The following NELFA variants were observed in gnomAD, a reference collection of about 807,000 sequenced individuals.
NELFA encodes negative elongation factor A.
Under a neutral mutation model 51.8 loss-of-function variants are expected in NELFA, and 35 were observed. The ratio of observed to expected loss-of-function variants is 0.68; its 90% CI spans 0.52 to 0.90. The LOEUF is 0.90. Ranked by LOEUF, NELFA falls within the 40% of genes least tolerant of loss-of-function variation. NELFA has a pLI of 0.00. For synonymous variants in NELFA, 417 were observed against 338.4 expected (o/e 1.23, Z -2.55); for missense variants, 658 against 746.4 (o/e 0.88, Z 1.38).
chr4:1,987,215 G>A (rs1211632923), intron 4 of NELFA, among the ~76,000 whole-genome samples: 1 of 152,198 alleles, frequency 6.6e-6, no homozygotes, highest in African/African-American at 2.4e-5. Context: ...GAGAGCGCCT[G>A]TAAGGCTGCC....
chr4:1,984,948 AGAAGAGGCCATGCTTCCG>A, intron 7 of NELFA, 29 bp from the exon 8 acceptor site: 1 of 1,495,362 alleles, frequency 6.7e-7, no homozygotes. Flanking sequence ...GGTTCCTTCC[AGAAGAGGCCATGCTTCCG>A]GCATGTGCTA....
rs1223154301 is a variant in NELFA at position 1,986,115 on chromosome 4, G to T, written c.834C>A (p.Leu278=). 2 of 1,551,536 alleles carry T rather than the reference G, an allele frequency of 1.3e-6. No homozygotes were observed. Among genetic ancestry groups the T allele is most frequent in the Non-Finnish European group, 1.7e-6 (2 of 1,147,254 alleles). ...GREAKRRRKT[L]DAEVVEKPAK... is the part of the protein sequence containing the mutation. ...CGACACGCAGGCCCCAACCCCCACC[G>T]AGAGTCTTCCTTCTCCGCTTCGCCT... Residue 278 remains leucine, a splice_region_variant and synonymous_variant, in exon 6 of 11, where the codon CTC becomes CTA. Transcript: ENST00000382882.
intron 8 of NELFA, among the ~76,000 whole-genome samples, chr4:1,984,571 C>CA (rs1177254832): frequency 1.3e-5 from 2 of 152,366 alleles, no homozygotes; most frequent in African/African-American, 4.8e-5. Context: ...CCTGCCGTGT[C>CA]CCCTGGGGCC....
intron 7 of NELFA, 94 bp downstream of exon 7, chr4:1,985,682 A>T: frequency 1.1e-6 from 1 of 879,888 alleles, no homozygotes; most frequent in Non-Finnish European, 1.8e-6. Context: ...ACATACATAT[A>T]TATATTCTCC....
chr4:2,005,424 A>G (rs1677717228), intron 1 of NELFA, among the ~76,000 whole-genome samples: 3 of 152,194 alleles, frequency 2.0e-5, no homozygotes, highest in Non-Finnish European at 4.4e-5. Context: ...TAGCACAGAT[A>G]CTAGTCACAA....
chr4:1,985,750 A>T (rs1422488283), intron 7 of NELFA, 26 bp downstream of exon 7: 1 of 1,604,934 alleles, frequency 6.2e-7, no homozygotes, highest in Non-Finnish European at 8.5e-7. Flanking sequence ...GTGGTGCCAG[A>T]CATGGGGTGC....
chr4:1,984,297 G>A (rs866804609), intron 8 of NELFA, among the ~76,000 whole-genome samples, 184 bp from the exon 9 acceptor site: 1 of 152,208 alleles, frequency 6.6e-6, no homozygotes, highest in African/African-American at 2.4e-5. Context: ...AAGGCCAGTG[G>A]TCTCAGGCCT....
intron 4 of NELFA, among the ~76,000 whole-genome samples, chr4:1,987,023 C>T (rs1453508398): frequency 6.6e-6 from 1 of 152,048 alleles, no homozygotes; most frequent in Admixed American, 6.5e-5. Context: ...CTGCTCCAGG[C>T]GGGGTAGAGG....
intron 1 of NELFA, among the ~76,000 whole-genome samples, chr4:2,002,464 CT>C (rs1430113449): frequency 8.5e-5 from 13 of 152,144 alleles, no homozygotes; most frequent in Admixed American, 5.2e-4. Context: ...AGGCATCACG[CT>C]ACCTGACTTC....
intron 1 of NELFA, among the ~76,000 whole-genome samples, chr4:2,005,043 C>T (rs979724412): frequency 7.0e-6 from 1 of 142,022 alleles, no homozygotes; most frequent in Admixed American, 7.1e-5. Flanking sequence ...CTCCTGGCCT[C>T]GTGATCCGCC....
Position 1,993,786 on chromosome 4 carries a change from C to A in NELFA, c.211-2071G>T, listed in dbSNP as rs865924292. Among the ~76,000 whole-genome samples the A allele has an allele frequency of 3.4e-5, 5 of 147,630 alleles. No individual in the cohort carries two copies. In the South Asian group the frequency reaches 1.1e-3, roughly 32 times the overall value. On this transcript the variant is annotated intron_variant, in intron 1 of 10. Coordinates refer to ENST00000382882, the MANE Select transcript of NELFA (RefSeq NM_005663.5). ...TGCTGGTGGAAGGTGGGAACGAGCTCCCCTGGGCCTTTTTTTTTTTTTTTT... is the reference window on the plus strand; with the variant it reads ...TGCTGGTGGAAGGTGGGAACGAGCTACCCTGGGCCTTTTTTTTTTTTTTTT...
rs1172989838 is a variant in NELFA, at chr4:2,007,193, C to A, written c.210+1557G>T. Reference sequence around the variant, plus strand: ...CTGCACTCCAGCCTGGTTGACAGCGCCAGACCCTGTCTCAAACAAAACACA... The same window carrying A: ...CTGCACTCCAGCCTGGTTGACAGCGACAGACCCTGTCTCAAACAAAACACA... On this transcript the variant is annotated intron_variant, in intron 1 of 10. Coordinates refer to ENST00000382882, the MANE Select transcript of NELFA (RefSeq NM_005663.5). 4 of 384,222 alleles carry A rather than the reference C, an allele frequency of 1.0e-5. No individual in the cohort carries two copies. In the East Asian group the frequency reaches 2.6e-4, roughly 25 times the overall value. 23.8% of individuals were successfully genotyped at this position (384,222 alleles called of 1,614,324 possible). A position where few individuals can be genotyped will look rare whatever the true frequency, so the allele number is the denominator to read the frequency against.
chr4:1,983,823 G>C (rs775267760), intron 9 of NELFA, 25 bp downstream of exon 9: 3 of 1,570,522 alleles, frequency 1.9e-6, no homozygotes, highest in African/African-American at 1.4e-5. Flanking sequence ...CTGGTGGCCT[G>C]TGGGCCCTAC....
rs1727995178 is a variant in NELFA at position 1,983,974 on chromosome 4, G to A, written c.1176C>T (p.Thr392=). ...SPATPTPAAP[T]SPLTPTTPPA... is the part of the protein sequence containing the mutation. ...GAGGTGTGGTGGGTGTCAGAGGCGA[G>A]GTGGGCGCCGCAGGCGTGGGTGTGG... is the stretch of plus-strand genomic sequence containing the variant. The change falls in exon 9 of 11, where the codon ACC becomes ACT. Residue 392 remains threonine, a synonymous_variant. Transcript: ENST00000382882. 6.2e-7 allele frequency: 1 copy of A among 1,610,388 alleles called. No homozygotes were observed. The highest frequency in any genetic ancestry group is 8.5e-7 in the Non-Finnish European group (1 of 1,179,602).
At position 1,984,853 on chromosome 4, in the gene NELFA, C is replaced by T. The variant is rs200573084; in HGVS notation, c.991G>A (p.Val331Met). 72 of 1,577,532 alleles carry T rather than the reference C, an allele frequency of 4.6e-5. No individual in the cohort carries two copies. In the Admixed American group the frequency reaches 7.8e-4, roughly 17 times the overall value. ...GGGATGTAGGAGGAGGCGGGAACCA[C>T]GCTGGGCGTGGAGGGAAGGTAGCTC... ...STSYLPSTPSVVPASSYIPSS... is the reference protein window; with the variant it reads ...STSYLPSTPSMVPASSYIPSS... Residue 331 changes from valine to methionine, a missense_variant, in exon 8 of 11, where the codon GTG becomes ATG. By Grantham distance (21) the Val-to-Met change is conservative. This residue lies in a region of NELFA where 200 missense variants were observed against 167.9 expected (regional missense o/e 1.19). Transcript: ENST00000382882.
In NELFA at chr4:1,983,679, G is replaced by A. The variant is rs1332257271; in HGVS notation, c.1319C>T (p.Ala440Val). ...GGCCGTCTTGAACATCTCCTGGGCAGCGAACATCTGCTCTCTCTACAGCGG... is the reference window on the plus strand; with the variant it reads ...GGCCGTCTTGAACATCTCCTGGGCAACGAACATCTGCTCTCTCTACAGCGG... ...NLSLTREQMF[A>V]AQEMFKTANK... Residue 440 changes from alanine to valine, a missense_variant, in exon 10 of 11, where the codon GCT becomes GTT. This residue lies in a region of NELFA where 87 missense variants were observed against 130.2 expected (regional missense o/e 0.67). Coordinates refer to ENST00000382882, the MANE Select transcript of NELFA (RefSeq NM_005663.5). 1 of 1,614,048 alleles carries A rather than the reference G, an allele frequency of 6.2e-7. No homozygotes were observed. The highest frequency in any genetic ancestry group is 2.2e-5 in the East Asian group (1 of 44,878).
chr4:1,985,933 G>C, intron 6 of NELFA, 69 bp from the exon 7 acceptor site: 1 of 1,439,428 alleles, frequency 6.9e-7, no homozygotes, highest in Non-Finnish European at 9.5e-7. Context: ...GGCAGCGGCA[G>C]GGAATCAAAC....
Position 2,008,733 on chromosome 4 carries a change from CG to C in NELFA, c.210+16del. 1 of 1,590,606 alleles carries C rather than the reference CG, an allele frequency of 6.3e-7. No individual in the cohort carries two copies. The highest frequency in any genetic ancestry group is 8.6e-7 in the Non-Finnish European group (1 of 1,167,874). On this transcript the variant is annotated intron_variant, in intron 1 of 10. Coordinates refer to ENST00000382882, the MANE Select transcript of NELFA (RefSeq NM_005663.5). The stretch of plus-strand genomic sequence containing the variant: ...GGTTGGGAATCTGGGGGCCGCGGGG[CG>C]CCACGCCTGCCTTACCTCGTCCACC...
chr4:2,002,103 C>T (rs574174843), intron 1 of NELFA, among the ~76,000 whole-genome samples: 4 of 144,796 alleles, frequency 2.8e-5, no homozygotes, highest in African/African-American at 7.7e-5. Context: ...GGGAGGCTGA[C>T]GCAGGAGAAT....
Sources: gnomAD v4.1 joint callset for allele counts (sites outside exome capture counted in the v4.1 genomes callset) on GRCh38, gnomAD v4.1.1 for gene constraint, gnomAD v4.1.1 regional missense constraint, MANE v1.5 for transcripts, NCBI Gene and HGNC (gene_info 2026-07-23, HGNC 2026-07-21) for gene names.